The following SNX8 variants were observed in gnomAD, a reference collection of about 807,000 sequenced individuals.
SNX8 encodes the protein sorting nexin-8.
In SNX8, 25 loss-of-function variants were observed where a neutral mutation model predicts 51.6. That is an observed-to-expected ratio of 0.48 (90% CI 0.35 to 0.68). The LOEUF (loss-of-function observed/expected upper bound fraction) is 0.68. Among genes scored for constraint, SNX8 ranks in the 30% least tolerant of loss-of-function variants. The probability of loss-of-function intolerance (pLI) is 0.00; values close to 1 mark genes in which losing one functional copy is unlikely to be tolerated. For missense variants in SNX8, 695 were observed against 624.0 expected, an observed-to-expected ratio of 1.11 and a Z score of -1.21; for synonymous variants, 324 against 277.0, an observed-to-expected ratio of 1.17 and a Z score of -1.68.
intron 1 of SNX8, among the ~76,000 whole-genome samples, chr7:2,299,604 G>C (rs1438124473): frequency 6.6e-6 from 1 of 152,176 alleles, no homozygotes; most frequent in African/African-American, 2.4e-5. Flanking sequence ...AACCTACCAA[G>C]TAGGAGTTTG....
At chr7:2,280,656 G>C (rs1795887339) in intron 1 of SNX8, among the ~76,000 whole-genome samples, 1 of 152,126 alleles carries the variant, frequency 6.6e-6, no homozygotes, top group South Asian at 2.1e-4. Flanking sequence ...ATCTGAAAGA[G>C]CTCAAAAAAC....
intron 1 of SNX8, chr7:2,309,783 C>T (rs576029513): frequency 1.3e-5 from 6 of 470,272 alleles, no homozygotes; most frequent in Admixed American, 4.7e-5. Flanking sequence ...TTCTGACCAA[C>T]GTATTCACAC....
At chr7:2,268,113 G>A (rs1330367127) in intron 5 of SNX8, among the ~76,000 whole-genome samples, 11 of 145,418 alleles carry the variant, frequency 7.6e-5, no homozygotes, top group East Asian at 2.0e-4. Flanking sequence ...CGGGAGGGAG[G>A]TGGGGGGGTC....
chr7:2,351,785 A>C (rs890950514), intron 1 of SNX8, among the ~76,000 whole-genome samples: 2 of 150,338 alleles, frequency 1.3e-5, no homozygotes, highest in East Asian at 2.0e-4. Context: ...GATCCGAGAT[A>C]GCACCACTGC....
At chr7:2,262,724 A>C (rs1034053107) in intron 7 of SNX8, among the ~76,000 whole-genome samples, 4 of 147,410 alleles carry the variant, frequency 2.7e-5, no homozygotes, top group Non-Finnish European at 4.6e-5. Flanking sequence ...TGTCGCTGGC[A>C]ACCCCCTCTC....
intron 1 of SNX8, among the ~76,000 whole-genome samples, chr7:2,290,743 T>C (rs571984953): frequency 1.3e-5 from 2 of 152,280 alleles, no homozygotes; most frequent in African/African-American, 2.4e-5. Context: ...CAAAAGCTGC[T>C]GACACAAAGA....
At chr7:2,268,446 A>T (rs1795541876) in intron 5 of SNX8, among the ~76,000 whole-genome samples, 1 of 130,356 alleles carries the variant, frequency 7.7e-6, no homozygotes, top group African/African-American at 2.9e-5. Flanking sequence ...TCCGGGAGGG[A>T]GGTGGGGGGG....
chr7:2,317,426 T>C (rs1025907220), upstream of SNX8, among the ~76,000 whole-genome samples: 1 of 151,578 alleles, frequency 6.6e-6, no homozygotes, highest in African/African-American at 2.4e-5. Flanking sequence ...TACAGGCGTG[T>C]GCCACCACAC....
rs752680918 is a variant in SNX8 at position 2,271,974 on chromosome 7, G to A, written c.419-3C>T. On this transcript the variant is annotated splice_region_variant and splice_polypyrimidine_tract_variant and intron_variant, in intron 3 of 10. Coordinates refer to ENST00000222990, the MANE Select transcript of SNX8 (RefSeq NM_013321.4). ...GGCCTCGATGAACTCCCTGTCAGCT[G>A]GAGGAGCACACGGGGTCACTGGACA... is the stretch of plus-strand genomic sequence containing the variant. The A allele has an allele frequency of 6.2e-7, 1 of 1,613,984 alleles. No individual in the cohort carries two copies. The highest frequency in any genetic ancestry group is 1.1e-5 in the South Asian group (1 of 91,086).
intron 1 of SNX8, among the ~76,000 whole-genome samples, chr7:2,283,628 C>T (rs1339242619): frequency 6.6e-6 from 1 of 152,208 alleles, no homozygotes; most frequent in Non-Finnish European, 1.5e-5. Context: ...TGCCAGTTCC[C>T]TAGAACGGAG....
chr7:2,325,143 T>TA (rs1778600127), intron 1 of SNX8, among the ~76,000 whole-genome samples: 2 of 152,298 alleles, frequency 1.3e-5, no homozygotes, highest in East Asian at 3.9e-4. Context: ...ACTGCTTTTA[T>TA]AAAAAAATTT....
intron 1 of SNX8, among the ~76,000 whole-genome samples, chr7:2,305,529 A>G (rs1319728203): frequency 6.6e-6 from 1 of 151,834 alleles, no homozygotes; most frequent in East Asian, 1.9e-4. Flanking sequence ...ACACCTGGCT[A>G]ATGTTTATAC....
At chr7:2,351,817 T>C (rs781665773) in intron 1 of SNX8, among the ~76,000 whole-genome samples, 18 of 150,894 alleles carry the variant, frequency 1.2e-4, no homozygotes, top group South Asian at 4.2e-4. Context: ...GGCGACAGAG[T>C]GAGACTCCAT....
chr7:2,264,363 G>A lies in SNX8; in HGVS notation c.717C>T (p.Ala239=), dbSNP rs766154363. 4.5e-5 allele frequency: 72 copies of A among 1,612,846 alleles called. No individual in the cohort carries two copies. The highest frequency in any genetic ancestry group is 3.2e-4 in the Admixed American group (19 of 59,996). The change falls in exon 6 of 11, where the codon GCC becomes GCT. Residue 239 remains alanine (A), a synonymous_variant. Coordinates refer to ENST00000222990, the MANE Select transcript of SNX8 (RefSeq NM_013321.4). ...YNSFHKLRDR[A]ERIASRAIDN... ...CGATGGCCCGCGATGCGATCCGCTC[G>A]GCCCTGTCGCGAAGCTTGTGAAAGC...
intron 1 of SNX8, among the ~76,000 whole-genome samples, chr7:2,297,885 C>T (rs2115179129): frequency 6.6e-6 from 1 of 151,938 alleles, no homozygotes; most frequent in East Asian, 1.9e-4. Context: ...ACTGGACCCT[C>T]AGAGGGCGGG....
chr7:2,313,004 T>C (rs1796688276), intron 1 of SNX8, among the ~76,000 whole-genome samples: 1 of 152,006 alleles, frequency 6.6e-6, no homozygotes, highest in Admixed American at 6.6e-5. Flanking sequence ...TTCACGCCAT[T>C]CTCCTGCCTC....
chr7:2,267,425 T>C (rs919719081), intron 5 of SNX8, among the ~76,000 whole-genome samples: 4 of 133,416 alleles, frequency 3.0e-5, no homozygotes, highest in African/African-American at 1.0e-4. Flanking sequence ...CCTCCCTGCC[T>C]GATTCTCCTG....
rs1320498873 is a variant in SNX8 at position 2,303,282 on chromosome 7, G to C, written c.94+11046C>G. Among the ~76,000 whole-genome samples, 2 of 141,770 alleles carry C rather than the reference G, an allele frequency of 1.4e-5. 1 individual carries two copies. The highest frequency in any genetic ancestry group is 4.1e-4 in the East Asian group (2 of 4,844). 93.0% of individuals were successfully genotyped at this position (141,770 alleles called of 152,430 possible). A position where few individuals can be genotyped will look rare whatever the true frequency, so the allele number is the denominator to read the frequency against. On this transcript the variant is annotated intron_variant, in intron 1 of 10. Transcript: ENST00000222990. ...CAGCCGCCCCGTCCGGGAGGGAGGTGGGGGGGTCAGCCCCCCGCCCGGCCA... is the reference window on the plus strand; with the variant it reads ...CAGCCGCCCCGTCCGGGAGGGAGGTCGGGGGGTCAGCCCCCCGCCCGGCCA...
intron 1 of SNX8, among the ~76,000 whole-genome samples, chr7:2,321,188 C>G (rs953159276): frequency 2.6e-5 from 4 of 152,084 alleles, no homozygotes; most frequent in Non-Finnish European, 5.9e-5. Context: ...AAAGCCAGGG[C>G]TACAGGTGGG....
Sources: allele counts gnomAD v4.1 joint callset (sites outside exome capture counted in the v4.1 genomes callset), GRCh38; gene constraint gnomAD v4.1.1; transcripts MANE v1.5; gene names NCBI Gene and HGNC (gene_info 2026-07-23, HGNC 2026-07-21).